Variants in PLA2G4A observed in about 807,000 individuals in gnomAD.
PLA2G4A encodes the protein cytosolic phospholipase A2.
PLA2G4A carries 40 observed loss-of-function variants against 81.9 expected under a neutral mutation model. The ratio of observed to expected loss-of-function variants is 0.49; its 90% confidence interval spans 0.38 to 0.64. The LOEUF (loss-of-function observed/expected upper bound fraction) is 0.64. Among genes scored for constraint, PLA2G4A ranks in the 30% least tolerant of loss-of-function variants. The pLI is 0.00. For missense variants in PLA2G4A, 715 were observed against 905.1 expected (o/e 0.79, Z 2.69); for synonymous variants, 302 against 296.9 (o/e 1.02, Z -0.18).
intron 9 of PLA2G4A, 43 bp downstream of exon 9, chr1:186,939,273 C>A: frequency 1.2e-6 from 1 of 847,274 alleles, no homozygotes; most frequent in Non-Finnish European, 2.0e-6. Flanking sequence ...AACAAGTAGA[C>A]AGAACATATT....
At chr1:186,837,213 A>G (rs111295548) in intron 1 of PLA2G4A, among the ~76,000 whole-genome samples, 3,779 of 152,226 alleles carry the variant, frequency 0.025, 71 homozygotes, top group Middle Eastern at 0.041. Flanking sequence ...TGCAGGTTCA[A>G]TGGAGTGGTG....
intron 1 of PLA2G4A, among the ~76,000 whole-genome samples, chr1:186,845,952 G>A (rs1056690216): frequency 6.6e-6 from 1 of 152,306 alleles, no homozygotes; most frequent in South Asian, 2.1e-4. Context: ...AAAACCCTGT[G>A]AGTTTCACAT....
In PLA2G4A at chr1:186,911,272, T is replaced by C. The variant is rs1654930784; in HGVS notation, c.441T>C (p.Ser147=). The change falls in exon 7 of 18, where the codon AGT becomes AGC. Residue 147 remains serine (S), a synonymous_variant. Coordinates refer to ENST00000367466, the MANE Select transcript of PLA2G4A (RefSeq NM_024420.3). ...EVCSCPDLRF[S]MALCDQEKTF... is the part of the protein sequence containing the mutation. ...GCTCATGCCCAGACCTACGATTTAG[T>C]ATGGCTCTGTGTGATCAGGAGAAGA... 1 of 1,612,678 alleles carries C rather than the reference T, an allele frequency of 6.2e-7. No individual in the cohort carries two copies. Among genetic ancestry groups the C allele is most frequent in the African/African-American group, 1.3e-5 (1 of 75,002 alleles).
chr1:186,899,689 G>A (rs1475729110), intron 5 of PLA2G4A, among the ~76,000 whole-genome samples: 1 of 152,150 alleles, frequency 6.6e-6, no homozygotes, highest in Non-Finnish European at 1.5e-5. Flanking sequence ...TTCGTGACCA[G>A]GTAATGGGGA....
intron 3 of PLA2G4A, among the ~76,000 whole-genome samples, chr1:186,882,318 C>T (rs1449359841): frequency 6.6e-6 from 1 of 152,080 alleles, no homozygotes; most frequent in East Asian, 1.9e-4. Flanking sequence ...ACATCTCATT[C>T]CCCATATTTC....
chr1:186,947,039 T>A, intron 12 of PLA2G4A, 78 bp downstream of exon 12: 1 of 786,866 alleles, frequency 1.3e-6, no homozygotes, highest in Non-Finnish European at 2.2e-6. Context: ...GAGAGAATAT[T>A]AAATCTTTGT....
At chr1:186,853,571 CTT>C (rs1459272758) in intron 1 of PLA2G4A, among the ~76,000 whole-genome samples, 1 of 151,742 alleles carries the variant, frequency 6.6e-6, no homozygotes, top group Non-Finnish European at 1.5e-5. Flanking sequence ...TTAGATGTAA[CTT>C]ATAAAATGCT....
intron 7 of PLA2G4A, among the ~76,000 whole-genome samples, chr1:186,929,765 A>T (rs1194832777): frequency 6.6e-6 from 1 of 152,186 alleles, no homozygotes; most frequent in African/African-American, 2.4e-5. Flanking sequence ...CTTTATTTTT[A>T]AAAATGGGGT....
chr1:186,851,802 G>A (rs1292412788), intron 1 of PLA2G4A, among the ~76,000 whole-genome samples: 2 of 151,882 alleles, frequency 1.3e-5, no homozygotes, highest in Non-Finnish European at 2.9e-5. Flanking sequence ...AAAATACTTA[G>A]AGCCTAATCA....
intron 4 of PLA2G4A, among the ~76,000 whole-genome samples, chr1:186,893,477 A>T (rs1654219771): frequency 6.6e-6 from 1 of 152,156 alleles, no homozygotes; most frequent in African/African-American, 2.4e-5. Context: ...GTGAAAATTA[A>T]TTTTTCCCAA....
intron 9 of PLA2G4A, 131 bp from the exon 10 acceptor site, chr1:186,939,849 T>C: frequency 1.6e-6 from 1 of 628,446 alleles, no homozygotes; most frequent in Non-Finnish European, 2.8e-6. Context: ...GACCTAGTAA[T>C]TTCTAGAAGT....
intron 1 of PLA2G4A, among the ~76,000 whole-genome samples, chr1:186,841,879 C>T (rs1049167458): frequency 1.1e-4 from 17 of 151,974 alleles, no homozygotes; most frequent in Non-Finnish European, 1.9e-4. Context: ...AGTGGTTAGA[C>T]GTTATCCTTG....
intron 3 of PLA2G4A, among the ~76,000 whole-genome samples, chr1:186,892,303 A>T (rs1654173383): frequency 6.6e-6 from 1 of 151,742 alleles, no homozygotes; most frequent in African/African-American, 2.4e-5. Context: ...ATTTGATGTG[A>T]TCCCATTTGC....
At chr1:186,954,356 C>T (rs1247480814) in intron 13 of PLA2G4A, among the ~76,000 whole-genome samples, 1 of 152,046 alleles carries the variant, frequency 6.6e-6, no homozygotes, top group Non-Finnish European at 1.5e-5. Flanking sequence ...AACCAAACAC[C>T]ACATATTCTC....
At chr1:186,885,184 C>A (rs1278266724) in intron 3 of PLA2G4A, among the ~76,000 whole-genome samples, 1 of 152,012 alleles carries the variant, frequency 6.6e-6, no homozygotes, top group Non-Finnish European at 1.5e-5. Flanking sequence ...GAGGCACTAG[C>A]CAAATTCTTG....
At chr1:186,948,474 T>A (rs984938818) in intron 12 of PLA2G4A, among the ~76,000 whole-genome samples, 1 of 151,308 alleles carries the variant, frequency 6.6e-6, no homozygotes, top group Non-Finnish European at 1.5e-5. Flanking sequence ...CAACTCTTTG[T>A]GGAAATAACA....
chr1:186,987,315 G>A (rs954445842), intron 17 of PLA2G4A, among the ~76,000 whole-genome samples: 2 of 152,248 alleles, frequency 1.3e-5, no homozygotes, highest in African/African-American at 2.4e-5. Context: ...GTGAGAGGAG[G>A]CCATAGCGTC....
At chr1:186,891,225 T>C (rs1654125544) in intron 3 of PLA2G4A, among the ~76,000 whole-genome samples, 1 of 152,310 alleles carries the variant, frequency 6.6e-6, no homozygotes, top group South Asian at 2.1e-4. Context: ...TGTTTTGATA[T>C]AGGTATGCAG....
intron 2 of PLA2G4A, among the ~76,000 whole-genome samples, chr1:186,864,347 C>A (rs1220492809): frequency 6.6e-6 from 1 of 151,966 alleles, no homozygotes; most frequent in Non-Finnish European, 1.5e-5. Flanking sequence ...TATGGTAGTA[C>A]CATTTTTAAT....
Sources: allele counts gnomAD v4.1 joint callset (sites outside exome capture counted in the v4.1 genomes callset), GRCh38; gene constraint gnomAD v4.1.1; transcripts MANE v1.5; gene names NCBI Gene and HGNC (gene_info 2026-07-23, HGNC 2026-07-21).